Variants in PCGF5 observed in about 807,000 individuals in gnomAD.
The protein encoded by PCGF5 is polycomb group ring finger 5, also known as polycomb group RING finger protein 5.
In PCGF5, 9 loss-of-function variants were observed where a neutral mutation model predicts 44.3. The observed-to-expected ratio is 0.20, with a 90% CI of 0.12 to 0.35. PCGF5 has a LOEUF of 0.35. Ranked by LOEUF, PCGF5 falls within the 10% of genes least tolerant of loss-of-function variation. The probability of loss-of-function intolerance (pLI) is 1.00; values close to 1 mark genes in which losing one functional copy is unlikely to be tolerated. For synonymous variants in PCGF5, 95 were observed against 102.5 expected (o/e 0.93, Z 0.44); for missense variants, 146 against 305.3 (o/e 0.48, Z 3.89).
chr10:91,166,301 A>G (rs552236403), intron 1 of PCGF5, among the ~76,000 whole-genome samples: 1 of 152,286 alleles, frequency 6.6e-6, no homozygotes, highest in South Asian at 2.1e-4. Flanking sequence ...TGTCTTATTC[A>G]CCTTTGTATC....
intron 1 of PCGF5, among the ~76,000 whole-genome samples, chr10:91,172,414 C>T (rs1440248984): frequency 6.6e-6 from 1 of 151,244 alleles, no homozygotes; most frequent in Non-Finnish European, 1.5e-5. Context: ...ATGAAACTCC[C>T]CTTCAGAGAA....
At chr10:91,257,988 T>G (rs1845799508) in intron 6 of PCGF5, among the ~76,000 whole-genome samples, 2 of 152,142 alleles carry the variant, frequency 1.3e-5, no homozygotes, top group Non-Finnish European at 1.5e-5. Flanking sequence ...GAAGTACTGA[T>G]ACATGCTACA....
At chr10:91,166,553 TA>T (rs1843504260) in intron 1 of PCGF5, among the ~76,000 whole-genome samples, 1 of 152,184 alleles carries the variant, frequency 6.6e-6, no homozygotes, top group South Asian at 2.1e-4. Flanking sequence ...AGTTTTTTTT[TA>T]AAGTCTTAAA....
intron 1 of PCGF5, among the ~76,000 whole-genome samples, chr10:91,179,014 T>G (rs1843768790): frequency 6.6e-6 from 1 of 152,262 alleles, no homozygotes; most frequent in Admixed American, 6.5e-5. Context: ...TACTTGACTT[T>G]GGGTAAGCCC....
At chr10:91,236,102 A>T (rs965898887) in intron 2 of PCGF5, among the ~76,000 whole-genome samples, 57 of 118,668 alleles carry the variant, frequency 4.8e-4, no homozygotes, top group Middle Eastern at 4.3e-3. Flanking sequence ...ATAATAAATT[A>T]AAAAAATATG....
At chr10:91,160,597 C>T (rs1189801768), upstream of PCGF5, among the ~76,000 whole-genome samples, 1 of 151,936 alleles carries the variant, frequency 6.6e-6, no homozygotes, top group Non-Finnish European at 1.5e-5. Context: ...TGCCATCCTG[C>T]CCAGGGAGGA....
At chr10:91,248,251 G>A (rs917999474) in intron 3 of PCGF5, among the ~76,000 whole-genome samples, 2 of 152,114 alleles carry the variant, frequency 1.3e-5, no homozygotes, top group Non-Finnish European at 2.9e-5. Flanking sequence ...CTTAGTCAAG[G>A]GAGGAGTTTC....
intron 1 of PCGF5, among the ~76,000 whole-genome samples, chr10:91,183,021 G>C (rs1296726241): frequency 6.6e-6 from 1 of 152,164 alleles, no homozygotes; most frequent in African/African-American, 2.4e-5. Flanking sequence ...TTGCTGAAGA[G>C]TGTTTTACTT....
In PCGF5 at chr10:91,284,161, T is replaced by C. The variant is rs931926349; in HGVS notation, c.*5845T>C. 6.6e-6 allele frequency: 1 copy of C among 152,532 alleles called. No individual in the cohort carries two copies. Among genetic ancestry groups the C allele is most frequent in the Admixed American group, 6.5e-5 (1 of 15,272 alleles). The allele number at this position is 152,532 out of a possible 1,614,324, so 9.4% of individuals were successfully genotyped here. A position where few individuals can be genotyped will look rare whatever the true frequency, so the allele number is the denominator to read the frequency against. ...TCTGTACAAAGCTGTATAATTGTAC[T>C]GTTGGGCTAGATACTTTTTTTTTTT... On this transcript the variant is annotated 3_prime_UTR_variant, in exon 10 of 10. Coordinates refer to ENST00000336126, the MANE Select transcript of PCGF5 (RefSeq NM_032373.5).
At chr10:91,263,769 G>A (rs888731907) in intron 7 of PCGF5, among the ~76,000 whole-genome samples, 11 of 152,134 alleles carry the variant, frequency 7.2e-5, no homozygotes, top group Admixed American at 5.9e-4. Flanking sequence ...GTGCAAAGTG[G>A]GAAGAGGATC....
At chr10:91,177,713 G>A (rs1049564235) in intron 1 of PCGF5, among the ~76,000 whole-genome samples, 8 of 152,232 alleles carry the variant, frequency 5.3e-5, no homozygotes, top group Non-Finnish European at 1.2e-4. Context: ...GCCAGGTGCA[G>A]GATATAATCT....
intron 1 of PCGF5, among the ~76,000 whole-genome samples, chr10:91,203,945 A>G (rs1033162572): frequency 5.9e-5 from 9 of 152,172 alleles, no homozygotes; most frequent in South Asian, 2.1e-4. Context: ...AGTGTAAGCT[A>G]ATTTAACACT....
At position 91,248,799 on chromosome 10, in the gene PCGF5, A is replaced by G; in HGVS notation, c.325+75A>G. ...CTTTTCATAGTTTAGGTGAACTAAT[A>G]TGTCTCTTCAGGCTCACATTTTTCC... On this transcript the variant is annotated intron_variant, in intron 5 of 9. Transcript: ENST00000336126. The G allele has an allele frequency of 2.5e-6, 3 of 1,219,382 alleles. No homozygotes were observed. In the South Asian group the frequency reaches 4.0e-5, roughly 16 times the overall value. The allele number at this position is 1,219,382 out of a possible 1,614,324, so 75.5% of individuals were successfully genotyped here. A position where few individuals can be genotyped will look rare whatever the true frequency, so the allele number is the denominator to read the frequency against.
chr10:91,264,237 A>T (rs888678231), intron 7 of PCGF5, among the ~76,000 whole-genome samples, 194 bp from the exon 8 acceptor site: 1 of 152,228 alleles, frequency 6.6e-6, no homozygotes, highest in Non-Finnish European at 1.5e-5. Flanking sequence ...TGTATATAGT[A>T]TACAGCATAG....
intron 1 of PCGF5, among the ~76,000 whole-genome samples, chr10:91,181,045 T>C (rs193185204): frequency 1.3e-3 from 204 of 152,360 alleles, no homozygotes; most frequent in African/African-American, 4.5e-3. Flanking sequence ...GTTGTTCTCC[T>C]TGTAGAGATC....
At position 91,278,801 on chromosome 10, in the gene PCGF5, A is replaced by C. The variant is rs1482782243; in HGVS notation, c.*485A>C. The C allele has an allele frequency of 6.5e-6, 1 of 154,542 alleles. No homozygotes were observed. The highest frequency in any genetic ancestry group is 1.4e-5 in the Non-Finnish European group (1 of 69,278). 9.6% of individuals were successfully genotyped at this position (154,542 alleles called of 1,614,324 possible). A position where few individuals can be genotyped will look rare whatever the true frequency, so the allele number is the denominator to read the frequency against. On this transcript the variant is annotated 3_prime_UTR_variant, in exon 10 of 10. Transcript: ENST00000336126. ...TATTTAGAAAAGTGGTTTTTGAGCC[A>C]CTGTCTTGTTCTTGATAAGCTTTTT...
upstream of PCGF5, among the ~76,000 whole-genome samples, chr10:91,216,432 G>A (rs1361545900): frequency 6.6e-6 from 1 of 152,148 alleles, no homozygotes; most frequent in Admixed American, 6.5e-5. Flanking sequence ...GTTCAAGTGG[G>A]GGTGGGGAGG....
chr10:91,254,203 CGTGTGT>C (rs148669111), intron 6 of PCGF5, among the ~76,000 whole-genome samples: 8 of 148,042 alleles, frequency 5.4e-5, no homozygotes, highest in African/African-American at 1.2e-4. Flanking sequence ...CCCTCCACCT[CGTGTGT>C]GTGTGTGTGT....
rs184861961 is a variant in PCGF5, at chr10:91,250,179, A to G, written c.326-1113A>G. ...TTGGAGCTAGGAGTTTGGTTCATAGAAGGCAACTCCTATCTATGTATATTC... is the reference window on the plus strand; with the variant it reads ...TTGGAGCTAGGAGTTTGGTTCATAGGAGGCAACTCCTATCTATGTATATTC... On this transcript the variant is annotated intron_variant, in intron 5 of 9. Coordinates refer to ENST00000336126, the MANE Select transcript of PCGF5 (RefSeq NM_032373.5). 2.4e-3 allele frequency among the ~76,000 whole-genome samples: 371 copies of G among 152,128 alleles called. 1 individual carries two copies. Among genetic ancestry groups the G allele is most frequent in the African/African-American group, 8.6e-3 (357 of 41,546 alleles).
Sources: gnomAD v4.1 joint callset for allele counts (sites outside exome capture counted in the v4.1 genomes callset) on GRCh38, gnomAD v4.1.1 for gene constraint, MANE v1.5 for transcripts, NCBI Gene and HGNC (gene_info 2026-07-23, HGNC 2026-07-21) for gene names.